Variants in PKD2L2 observed in about 807,000 individuals in gnomAD.
PKD2L2 encodes polycystin-2-like protein 2.
PKD2L2 carries 67 observed loss-of-function variants against 83.9 expected under a neutral mutation model. The ratio of observed to expected loss-of-function variants is 0.80; its 90% CI spans 0.66 to 0.98. The LOEUF (loss-of-function observed/expected upper bound fraction) is 0.98, where lower values mean the gene tolerates loss of function less well. Among genes scored for constraint, PKD2L2 ranks in the 50% least tolerant of loss-of-function variants. The probability of loss-of-function intolerance (pLI) is 0.00; values close to 1 mark genes in which losing one functional copy is unlikely to be tolerated. For synonymous variants in PKD2L2, 223 were observed against 237.8 expected (o/e 0.94, Z 0.57); for missense variants, 632 against 717.2 (o/e 0.88, Z 1.36).
chr5:137,923,021 T>C (rs1454419747), intron 9 of PKD2L2, among the ~76,000 whole-genome samples: 6 of 151,534 alleles, frequency 4.0e-5, no homozygotes, highest in Non-Finnish European at 5.9e-5. Flanking sequence ...CTTTTCTTTT[T>C]TTTTTTTTTA....
At chr5:137,909,254 T>C (rs1183215142) in intron 8 of PKD2L2, among the ~76,000 whole-genome samples, 1 of 151,974 alleles carries the variant, frequency 6.6e-6, no homozygotes, top group South Asian at 2.1e-4. Flanking sequence ...GTTTTAAACT[T>C]CTGGGTTCAA....
intron 5 of PKD2L2, among the ~76,000 whole-genome samples, chr5:137,904,380 A>T (rs575308491): frequency 1.7e-4 from 26 of 152,288 alleles, no homozygotes; most frequent in African/African-American, 5.1e-4. Flanking sequence ...AAAAAATGGA[A>T]TAATGACTGC....
intron 2 of PKD2L2, among the ~76,000 whole-genome samples, chr5:137,890,850 C>G (rs1755909371): frequency 6.6e-6 from 1 of 152,156 alleles, no homozygotes; most frequent in Non-Finnish European, 1.5e-5. Flanking sequence ...TTATTCCTTT[C>G]ATTTGGCAGT....
intron 8 of PKD2L2, among the ~76,000 whole-genome samples, chr5:137,914,583 A>G (rs1430677234): frequency 2.0e-5 from 3 of 152,198 alleles, no homozygotes; most frequent in Admixed American, 2.0e-4. Context: ...GCAAAGAAAG[A>G]CAATTACTGC....
intron 11 of PKD2L2, 25 bp from the exon 12 acceptor site, chr5:137,925,850 G>C (rs375769666): frequency 6.3e-5 from 96 of 1,529,818 alleles, no homozygotes; most frequent in Non-Finnish European, 8.5e-5. Flanking sequence ...ATTTGCCTCT[G>C]ACTTTTATTT....
intron 8 of PKD2L2, among the ~76,000 whole-genome samples, chr5:137,919,535 A>T (rs1454015726): frequency 4.0e-5 from 6 of 150,928 alleles, no homozygotes; most frequent in Admixed American, 1.3e-4. Context: ...TCCCCAACTC[A>T]AAGATGAAAG....
At chr5:137,922,345 CCTTT>C in intron 9 of PKD2L2, among the ~76,000 whole-genome samples, 1 of 152,150 alleles carries the variant, frequency 6.6e-6, no homozygotes, top group East Asian at 1.9e-4. Context: ...GTAAGAATAT[CCTTT>C]CTACATTTGT....
At chr5:137,901,098 T>G (rs1162477561) in intron 5 of PKD2L2, among the ~76,000 whole-genome samples, 2 of 150,770 alleles carry the variant, frequency 1.3e-5, no homozygotes, top group Non-Finnish European at 2.9e-5. Context: ...ATAGCGCCAT[T>G]GCACTTCAGC....
intron 14 of PKD2L2, among the ~76,000 whole-genome samples, chr5:137,941,217 T>C (rs1440421889): frequency 1.3e-5 from 2 of 151,532 alleles, no homozygotes; most frequent in Admixed American, 6.6e-5. Flanking sequence ...CCACTTCAGA[T>C]TTTTTTTTAA....
intron 4 of PKD2L2, among the ~76,000 whole-genome samples, chr5:137,896,092 G>A (rs141929476): frequency 0.011 from 1,733 of 151,234 alleles, 34 homozygotes; most frequent in African/African-American, 0.04. Flanking sequence ...CAGGAAAATC[G>A]CTTGAACCCA....
At chr5:137,924,309 CTATT>C (rs1759186854) in intron 10 of PKD2L2, among the ~76,000 whole-genome samples, 1 of 152,230 alleles carries the variant, frequency 6.6e-6, no homozygotes, top group Admixed American at 6.5e-5. Context: ...CTTTCTGCCT[CTATT>C]TACAATACTG....
rs58071954 is a variant in PKD2L2 at position 137,935,746 on chromosome 5, T to C, written c.1672-51T>C. On this transcript the variant is annotated intron_variant, in intron 12 of 14. Coordinates refer to ENST00000508883, the MANE Select transcript of PKD2L2 (RefSeq NM_001300921.2). Reference sequence around the variant, plus strand: ...CTGTGATGCTTGTGTGCCAAAGACTTGAAATAGAGAACTAAAGATTGCAGC... The same window carrying C: ...CTGTGATGCTTGTGTGCCAAAGACTCGAAATAGAGAACTAAAGATTGCAGC... 3.0e-3 allele frequency: 2,874 copies of C among 951,734 alleles called. 50 individuals are homozygous for C. The African/African-American group carries it at 0.042, about 14-fold the overall frequency. 59.0% of individuals were successfully genotyped at this position (951,734 alleles called of 1,614,324 possible). A position where few individuals can be genotyped will look rare whatever the true frequency, so the allele number is the denominator to read the frequency against.
At chr5:137,927,273 G>C (rs1197384952) in intron 12 of PKD2L2, among the ~76,000 whole-genome samples, 1 of 152,154 alleles carries the variant, frequency 6.6e-6, no homozygotes, top group Non-Finnish European at 1.5e-5. Flanking sequence ...CCTGATAGGA[G>C]GCCATGAGAA....
chr5:137,910,688 G>C (rs906005654), intron 8 of PKD2L2, among the ~76,000 whole-genome samples: 1 of 151,502 alleles, frequency 6.6e-6, no homozygotes, highest in African/African-American at 2.4e-5. Context: ...GCTGAGGCAG[G>C]AGAATCCTTT....
chr5:137,934,630 G>A (rs564493957), intron 12 of PKD2L2, among the ~76,000 whole-genome samples: 1 of 152,120 alleles, frequency 6.6e-6, no homozygotes, highest in Non-Finnish European at 1.5e-5. Flanking sequence ...CCAACATGGC[G>A]AAACCCGTCT....
intron 5 of PKD2L2, 109 bp from the exon 6 acceptor site, chr5:137,906,097 A>T (rs1757342085): frequency 4.7e-6 from 3 of 641,740 alleles, no homozygotes; most frequent in South Asian, 2.2e-5. Context: ...TATTAAAAAA[A>T]ACTGATTATC....
chr5:137,916,477 T>TC (rs34264136), intron 8 of PKD2L2, among the ~76,000 whole-genome samples: 5,088 of 126,002 alleles, frequency 0.04, 69 homozygotes, highest in Non-Finnish European at 0.045. Flanking sequence ...CTTTTCTTCT[T>TC]TTTTTTTTTT....
Position 137,896,417 on chromosome 5 carries a change from T to C in PKD2L2, c.524+1808T>C, listed in dbSNP as rs539544073. 3.9e-5 allele frequency among the ~76,000 whole-genome samples: 6 copies of C among 152,244 alleles called. No individual in the cohort carries two copies. The East Asian group carries it at 9.6e-4, about 24-fold the overall frequency. ...CAGTTGTGTTTTGGCTTTGTTTTTG[T>C]TTTTTTCGTTAGGGGCAGGATCTCA... On this transcript the variant is annotated intron_variant, in intron 4 of 14. Coordinates refer to ENST00000508883, the MANE Select transcript of PKD2L2 (RefSeq NM_001300921.2).
At chr5:137,911,993 T>G (rs1757880079) in intron 8 of PKD2L2, among the ~76,000 whole-genome samples, 1 of 152,240 alleles carries the variant, frequency 6.6e-6, no homozygotes, top group Non-Finnish European at 1.5e-5. Context: ...TTTCCTCCTT[T>G]TCAAAGATTG....
Sources: gnomAD v4.1 joint callset for allele counts (sites outside exome capture counted in the v4.1 genomes callset) on GRCh38, gnomAD v4.1.1 for gene constraint, MANE v1.5 for transcripts, NCBI Gene and HGNC (gene_info 2026-07-23, HGNC 2026-07-21) for gene names.